The following N4BP1 variants were observed in gnomAD, a reference collection of about 807,000 sequenced individuals.
N4BP1 encodes NEDD4 binding protein 1.
A neutral mutation model predicts 70.9 loss-of-function variants in N4BP1; 21 were observed. The observed-to-expected ratio is 0.30, with a 90% CI of 0.21 to 0.43. The LOEUF is 0.43. Among genes scored for constraint, N4BP1 ranks in the 20% least tolerant of loss-of-function variants. The probability of loss-of-function intolerance (pLI) is 1.00; values close to 1 mark genes in which losing one functional copy is unlikely to be tolerated. For missense variants in N4BP1, 936 were observed against 1,069.4 expected (o/e 0.88, Z 1.74); for synonymous variants, 387 against 394.6 (o/e 0.98, Z 0.23).
chr16:48,543,331 G>A, intron 6 of N4BP1, 70 bp from the exon 7 acceptor site: 1 of 1,286,846 alleles, frequency 7.8e-7, no homozygotes, highest in Non-Finnish European at 1.0e-6. Flanking sequence ...TATTTTAGAA[G>A]GTACCTGCGG....
In N4BP1 at chr16:48,603,180, A is replaced by C. The variant is rs185838720; in HGVS notation, c.198+6595T>G. Among the ~76,000 whole-genome samples the C allele has an allele frequency of 5.3e-5, 8 of 152,322 alleles. No individual in the cohort carries two copies. The East Asian group carries it at 1.5e-3, about 29-fold the overall frequency. ...TAAATACATAAGTAAAAACTGGGAA[A>C]AGGTCAATTACTAGCTGTTCTTAAA... On this transcript the variant is annotated intron_variant, in intron 1 of 6. Transcript: ENST00000262384.
rs200690525 is a variant in N4BP1, at chr16:48,561,828, T to C, written c.815A>G (p.Asp272Gly). The change falls in exon 2 of 7, where the codon GAT becomes GGT. Residue 272 changes from aspartate to glycine, a missense_variant. By Grantham distance (94) the Asp-to-Gly change is moderately conservative (BLOSUM62 -1). Transcript: ENST00000262384. Reference sequence around the variant, plus strand: ...TCTCTCATTGGAAAGTGCCTCTTCATCTGGGGTTAGACCATTTATTGGATC... The same window carrying C: ...TCTCTCATTGGAAAGTGCCTCTTCACCTGGGGTTAGACCATTTATTGGATC... ...LFDPINGLTP[D>G]EEALSNERIC... The C allele has an allele frequency of 3.7e-6, 6 of 1,613,714 alleles. No homozygotes were observed. The highest frequency in any genetic ancestry group is 1.7e-5 in the Admixed American group (1 of 59,984).
chr16:48,545,842 A>G (rs1168751728), intron 6 of N4BP1, among the ~76,000 whole-genome samples: 2 of 152,006 alleles, frequency 1.3e-5, no homozygotes, highest in Admixed American at 6.5e-5. Context: ...CCTGGGCAAC[A>G]TGGTAAGACC....
chr16:48,553,893 T>C (rs1455879498), intron 2 of N4BP1, among the ~76,000 whole-genome samples: 1 of 152,204 alleles, frequency 6.6e-6, no homozygotes, highest in Non-Finnish European at 1.5e-5. Context: ...ATTTTGTTAA[T>C]CTAACTGGGT....
At chr16:48,554,361 A>C (rs1305434764) in intron 2 of N4BP1, among the ~76,000 whole-genome samples, 1 of 152,170 alleles carries the variant, frequency 6.6e-6, no homozygotes, top group African/African-American at 2.4e-5. Context: ...TTACAAAAAC[A>C]GGTGGGCGGG....
chr16:48,558,369 A>G (rs1963788890), intron 2 of N4BP1, among the ~76,000 whole-genome samples: 1 of 152,120 alleles, frequency 6.6e-6, no homozygotes, highest in Admixed American at 6.5e-5. Context: ...GTGGTTTTCA[A>G]AAGAGATGAT....
At chr16:48,548,694 A>G (rs1355513713) in intron 4 of N4BP1, among the ~76,000 whole-genome samples, 1 of 152,060 alleles carries the variant, frequency 6.6e-6, no homozygotes, top group Admixed American at 6.6e-5. Flanking sequence ...AAAAAAATAC[A>G]AAAAATTAGC....
chr16:48,600,284 AAAG>A (rs1964475972), intron 1 of N4BP1: 4 of 1,144,708 alleles, frequency 3.5e-6, no homozygotes, highest in Non-Finnish European at 5.2e-6. Context: ...AAAACTTTAA[AAAG>A]AAGCACAATC....
intron 1 of N4BP1, among the ~76,000 whole-genome samples, chr16:48,589,446 G>C (rs1964299943): frequency 6.6e-6 from 1 of 152,146 alleles, no homozygotes; most frequent in Non-Finnish European, 1.5e-5. Context: ...TGGCTTTGGA[G>C]AGTTTCAGGA....
At chr16:48,601,144 T>C (rs1412559298) in intron 1 of N4BP1, among the ~76,000 whole-genome samples, 1 of 152,236 alleles carries the variant, frequency 6.6e-6, no homozygotes, top group African/African-American at 2.4e-5. Context: ...ATGGCATTGT[T>C]TGATGAAGCT....
intron 1 of N4BP1, among the ~76,000 whole-genome samples, chr16:48,608,111 G>T (rs965671250): frequency 6.6e-6 from 1 of 152,150 alleles, no homozygotes; most frequent in Admixed American, 6.5e-5. Flanking sequence ...AAAAAAATAG[G>T]TAAATAAACA....
chr16:48,561,430 C>T lies in N4BP1; in HGVS notation c.1213G>A (p.Glu405Lys). 6.2e-7 allele frequency: 1 copy of T among 1,613,768 alleles called. No individual in the cohort carries two copies. Among genetic ancestry groups the T allele is most frequent in the Non-Finnish European group, 8.5e-7 (1 of 1,179,836 alleles). ...CCTTTATTTTTGGTTTTGTTGGTCT[C>T]TGGATACACTGTACCAGCTGAAAAT... is the stretch of plus-strand genomic sequence containing the variant. ...REFSAGTVYP[E>K]TNKTKNKGVY... Residue 405 changes from glutamate (E) to lysine (K), a missense_variant, in exon 2 of 7, where the codon GAG becomes AAG. By Grantham distance (56) the Glu-to-Lys change is moderately conservative. Coordinates refer to ENST00000262384, the MANE Select transcript of N4BP1 (RefSeq NM_153029.4).
chr16:48,548,201 C>T (rs943637868), intron 4 of N4BP1, 87 bp from the exon 5 acceptor site: 16 of 785,394 alleles, frequency 2.0e-5, no homozygotes, highest in African/African-American at 1.9e-4. Flanking sequence ...ATTTCCTCTT[C>T]ATAGGAAAAC....
At chr16:48,607,695 A>C (rs1213170414) in intron 1 of N4BP1, among the ~76,000 whole-genome samples, 1 of 152,246 alleles carries the variant, frequency 6.6e-6, no homozygotes, top group East Asian at 1.9e-4. Flanking sequence ...AGCAGGACTT[A>C]ATCATGTCAA....
intron 1 of N4BP1, among the ~76,000 whole-genome samples, chr16:48,568,651 C>T (rs958500516): frequency 3.3e-5 from 5 of 152,058 alleles, no homozygotes; most frequent in Non-Finnish European, 7.4e-5. Flanking sequence ...TTTTTCTTCC[C>T]CAGCAAACTG....
At chr16:48,557,981 T>C (rs1276248206) in intron 2 of N4BP1, among the ~76,000 whole-genome samples, 1 of 151,980 alleles carries the variant, frequency 6.6e-6, no homozygotes, top group African/African-American at 2.4e-5. Flanking sequence ...CCAAAAAAAA[T>C]TGAGGTAAAA....
At chr16:48,546,299 G>T in intron 5 of N4BP1, 45 bp from the exon 6 acceptor site, 1 of 1,364,536 alleles carries the variant, frequency 7.3e-7, no homozygotes, top group Non-Finnish European at 1.0e-6. Context: ...GGTCCTCACT[G>T]CCCAGGGCCT....
intron 2 of N4BP1, among the ~76,000 whole-genome samples, chr16:48,556,292 C>T (rs979089097): frequency 6.6e-6 from 1 of 152,106 alleles, no homozygotes; most frequent in Non-Finnish European, 1.5e-5. Context: ...AAATTATTGT[C>T]CTCAAAATAA....
rs895378981 is a variant in N4BP1 at position 48,541,921 on chromosome 16, T to C, written c.*983A>G. 9 of 152,776 alleles carry C rather than the reference T, an allele frequency of 5.9e-5. No homozygotes were observed. Among genetic ancestry groups the C allele is most frequent in the Non-Finnish European group, 1.2e-4 (8 of 68,038 alleles). 9.5% of individuals were successfully genotyped at this position (152,776 alleles called of 1,614,324 possible). A position where few individuals can be genotyped will look rare whatever the true frequency, so the allele number is the denominator to read the frequency against. On this transcript the variant is annotated 3_prime_UTR_variant, in exon 7 of 7. Transcript: ENST00000262384. Reference sequence around the variant, plus strand: ...TATTGGCTTGGGTCACTTTTGAGAATAGAAAACCATTTTTTGGCAAAGCTG... The same window carrying C: ...TATTGGCTTGGGTCACTTTTGAGAACAGAAAACCATTTTTTGGCAAAGCTG...
Sources: gnomAD v4.1 joint callset for allele counts (sites outside exome capture counted in the v4.1 genomes callset) on GRCh38, gnomAD v4.1.1 for gene constraint, MANE v1.5 for transcripts, NCBI Gene and HGNC (gene_info 2026-07-23, HGNC 2026-07-21) for gene names.